The following ZBTB46 variants were observed in gnomAD, a reference collection of about 807,000 sequenced individuals.
ZBTB46 encodes zinc finger and BTB domain-containing protein 46.
Under a neutral mutation model 44.1 loss-of-function variants are expected in ZBTB46, and 8 were observed. That is an observed-to-expected ratio of 0.18 (90% CI 0.11 to 0.33). ZBTB46 has a LOEUF of 0.33. Among genes scored for constraint, ZBTB46 ranks in the 10% least tolerant of loss-of-function variants. The probability of loss-of-function intolerance (pLI) is 1.00; values close to 1 mark genes in which losing one functional copy is unlikely to be tolerated. For synonymous variants in ZBTB46, 409 were observed against 382.3 expected (o/e 1.07, Z -0.81); for missense variants, 651 against 847.7 (o/e 0.77, Z 2.88).
intron 3 of ZBTB46, among the ~76,000 whole-genome samples, chr20:63,774,992 C>T (rs1467890581): frequency 6.6e-6 from 1 of 152,148 alleles, no homozygotes; most frequent in Non-Finnish European, 1.5e-5. Flanking sequence ...CGTGAGCCAC[C>T]GCGCCCGGCC....
At chr20:63,771,447 T>C (rs1485582096) in intron 3 of ZBTB46, among the ~76,000 whole-genome samples, 3 of 151,956 alleles carry the variant, frequency 2.0e-5, no homozygotes, top group Non-Finnish European at 4.4e-5. Context: ...CGCACGGTGT[T>C]GAGAGACTTA....
chr20:63,821,136 C>T (rs1289045693), intron 1 of ZBTB46, among the ~76,000 whole-genome samples: 1 of 151,804 alleles, frequency 6.6e-6, no homozygotes, highest in Non-Finnish European at 1.5e-5. Flanking sequence ...CATGATCCGC[C>T]CGCCTCAGCC....
chr20:63,745,276 AGG>A lies in ZBTB46; in HGVS notation c.*1652_*1653del, dbSNP rs1237305957. 4 of 152,200 alleles carry A rather than the reference AGG, an allele frequency of 2.6e-5. No individual in the cohort carries two copies. The East Asian group carries it at 5.7e-4, about 22-fold the overall frequency. 9.4% of individuals were successfully genotyped at this position (152,200 alleles called of 1,614,324 possible). A position where few individuals can be genotyped will look rare whatever the true frequency, so the allele number is the denominator to read the frequency against. On this transcript the variant is annotated 3_prime_UTR_variant, in exon 5 of 5. Transcript: ENST00000245663. ...TGAGGAGCCCACAGCCTCCGAGCTG[AGG>A]GGTGTGTGTGATGACAGCTCCAGCC...
chr20:63,749,572 G>A (rs111943003), intron 4 of ZBTB46, among the ~76,000 whole-genome samples: 1,753 of 152,282 alleles, frequency 0.012, 16 homozygotes, highest in Non-Finnish European at 0.02. Context: ...TCCTGACCTC[G>A]TGATCTGCCC....
intron 1 of ZBTB46, among the ~76,000 whole-genome samples, chr20:63,828,979 G>A (rs933812443): frequency 6.6e-6 from 1 of 152,238 alleles, no homozygotes; most frequent in Non-Finnish European, 1.5e-5. Flanking sequence ...AAAACCCCAC[G>A]TCAGGGCAGT....
intron 1 of ZBTB46, among the ~76,000 whole-genome samples, chr20:63,812,298 A>G (rs1190630327): frequency 6.6e-6 from 1 of 151,842 alleles, no homozygotes; most frequent in Non-Finnish European, 1.5e-5. Flanking sequence ...TCACGAGGTC[A>G]GGAGATCAAG....
intron 1 of ZBTB46, among the ~76,000 whole-genome samples, chr20:63,809,717 T>A (rs2146025757): frequency 6.6e-6 from 1 of 152,242 alleles, no homozygotes; most frequent in East Asian, 1.9e-4. Flanking sequence ...ATCCCAACGC[T>A]GAGGGAAGCC....
intron 2 of ZBTB46, among the ~76,000 whole-genome samples, chr20:63,785,395 T>C (rs1206423329): frequency 6.6e-6 from 1 of 151,218 alleles, no homozygotes; most frequent in Non-Finnish European, 1.5e-5. Flanking sequence ...ACCCCGTCTC[T>C]ACTAAAAATA....
chr20:63,793,714 T>C (rs6062532), intron 1 of ZBTB46, among the ~76,000 whole-genome samples: 910 of 69,408 alleles, frequency 0.013, 1 homozygote, highest in African/African-American at 0.055. Context: ...TAAGATTTTA[T>C]AGAAGCAGCG....
At chr20:63,831,875 G>A (rs984870869), upstream of ZBTB46, among the ~76,000 whole-genome samples, 6 of 151,822 alleles carry the variant, frequency 4.0e-5, no homozygotes, top group African/African-American at 1.5e-4. Flanking sequence ...CGCTCGCGGT[G>A]CGGAAAAGGC....
chr20:63,783,716 G>A (rs779639978), intron 2 of ZBTB46, among the ~76,000 whole-genome samples: 1 of 152,190 alleles, frequency 6.6e-6, no homozygotes, highest in Non-Finnish European at 1.5e-5. Flanking sequence ...AGCATCTCCC[G>A]AGCAGCTGTG....
At chr20:63,760,458 T>G (rs1007328627) in intron 3 of ZBTB46, among the ~76,000 whole-genome samples, 2 of 152,066 alleles carry the variant, frequency 1.3e-5, no homozygotes, top group Non-Finnish European at 2.9e-5. Flanking sequence ...ACAGGAGTTA[T>G]ATCAGTGTTT....
intron 3 of ZBTB46, among the ~76,000 whole-genome samples, chr20:63,771,361 G>A (rs2092370001): frequency 6.6e-6 from 1 of 152,162 alleles, no homozygotes; most frequent in African/African-American, 2.4e-5. Context: ...GGAGGACACG[G>A]CTCTGCGTCC....
At chr20:63,777,155 G>C (rs1006994743) in intron 2 of ZBTB46, among the ~76,000 whole-genome samples, 6 of 151,026 alleles carry the variant, frequency 4.0e-5, no homozygotes, top group African/African-American at 1.5e-4. Flanking sequence ...CACGGTTCCA[G>C]CACACACCCA....
chr20:63,829,575 G>T (rs1170721901), intron 1 of ZBTB46, among the ~76,000 whole-genome samples: 1 of 152,186 alleles, frequency 6.6e-6, no homozygotes, highest in African/African-American at 2.4e-5. Flanking sequence ...GCAGTAACTT[G>T]TGCCCAAGTA....
chr20:63,765,171 C>T (rs1037400895), intron 3 of ZBTB46, among the ~76,000 whole-genome samples: 4 of 151,850 alleles, frequency 2.6e-5, no homozygotes, highest in African/African-American at 7.3e-5. Context: ...CAGTTGTATG[C>T]AGAAGCTGGG....
chr20:63,797,399 T>TAAA (rs201088463), intron 1 of ZBTB46, among the ~76,000 whole-genome samples: 2,734 of 152,270 alleles, frequency 0.018, 93 homozygotes, highest in African/African-American at 0.062. Context: ...ATCTGGTCTA[T>TAAA]CATTGATGGA....
At chr20:63,820,721 C>T (rs145739530) in intron 1 of ZBTB46, among the ~76,000 whole-genome samples, 73 of 151,692 alleles carry the variant, frequency 4.8e-4, no homozygotes, top group Admixed American at 3.2e-3. Context: ...CGTGAGCCAC[C>T]GCGCCCAGCC....
chr20:63,754,724 C>T (rs946264899), intron 3 of ZBTB46, among the ~76,000 whole-genome samples: 9 of 152,028 alleles, frequency 5.9e-5, no homozygotes, highest in African/African-American at 9.7e-5. Context: ...CTCAGCCTCC[C>T]GAGTAGCTGG....
Sources: gnomAD v4.1 joint callset for allele counts (sites outside exome capture counted in the v4.1 genomes callset) on GRCh38, gnomAD v4.1.1 for gene constraint, MANE v1.5 for transcripts, NCBI Gene and HGNC (gene_info 2026-07-23, HGNC 2026-07-21) for gene names.